DIS3L2: variants seen among roughly 807,000 people sequenced by gnomAD.
DIS3L2 encodes DIS3 like 3'-5' exoribonuclease 2, also known as DIS3-like exonuclease 2.
Under a neutral mutation model 97.5 loss-of-function variants are expected in DIS3L2, and 34 were observed. The observed-to-expected ratio is 0.35, with a 90% CI of 0.27 to 0.46. DIS3L2 has a LOEUF of 0.46. Ranked by LOEUF, DIS3L2 falls within the 20% of genes least tolerant of loss-of-function variation. The pLI, the probability that DIS3L2 is intolerant of heterozygous loss-of-function variation, is 1.00. For missense variants in DIS3L2, 1,038 were observed against 1,146.0 expected (o/e 0.91, Z 1.36); for synonymous variants, 435 against 445.2 (o/e 0.98, Z 0.29).
chr2:232,337,385 TG>T (rs1176956784), downstream of DIS3L2, among the ~76,000 whole-genome samples: 3 of 151,880 alleles, frequency 2.0e-5, no homozygotes, highest in African/African-American at 4.8e-5. Context: ...CTGGTGTGAG[TG>T]GGTGCCCCGG....
rs1559216843 is a variant in DIS3L2, at chr2:232,330,770, C to T, written c.2004C>T (p.Pro668=). The T allele has an allele frequency of 3.1e-6, 5 of 1,611,172 alleles. No homozygotes were observed. Among genetic ancestry groups the T allele is most frequent in the Middle Eastern group, 1.6e-4 (1 of 6,062 alleles). The change falls in exon 16 of 21, where the codon CCC becomes CCT. Residue 668 remains proline (P), a synonymous_variant. Transcript: ENST00000325385. Reference sequence around the variant, plus strand: ...TGCTCACCAACATGTGCTCCCGGCCCATGCAGGTAAGGAGGGCCCAGCCCC... The same window carrying T: ...TGCTCACCAACATGTGCTCCCGGCCTATGCAGGTAAGGAGGGCCCAGCCCC... ...KEVLTNMCSR[P]MQMALYFCSG...
chr2:232,226,056 G>T (rs1242844318), intron 10 of DIS3L2, among the ~76,000 whole-genome samples: 2 of 152,148 alleles, frequency 1.3e-5, no homozygotes, highest in Non-Finnish European at 2.9e-5. Flanking sequence ...AACAGATATG[G>T]GCTTTCTTTC....
At chr2:231,976,828 C>T (rs1449463765) in intron 1 of DIS3L2, among the ~76,000 whole-genome samples, 2 of 140,028 alleles carry the variant, frequency 1.4e-5, no homozygotes, top group East Asian at 2.1e-4. Context: ...AGTACAGTGG[C>T]GCGATCTTGG....
Position 232,336,694 on chromosome 2 carries a change from T to C in DIS3L2, c.*64T>C. Reference sequence around the variant, plus strand: ...GTCCCGCCACACTGGCTTTAGGACCTGTTGACACGGAGGGGGGTTTTTAAT... The same window carrying C: ...GTCCCGCCACACTGGCTTTAGGACCCGTTGACACGGAGGGGGGTTTTTAAT... On this transcript the variant is annotated 3_prime_UTR_variant, in exon 21 of 21. Transcript: ENST00000325385. 6.4e-7 allele frequency: 1 copy of C among 1,554,550 alleles called. No homozygotes were observed. The highest frequency in any genetic ancestry group is 2.0e-5 in the Admixed American group (1 of 48,814).
At chr2:232,197,808 A>C (rs1455721521) in intron 9 of DIS3L2, among the ~76,000 whole-genome samples, 1 of 151,986 alleles carries the variant, frequency 6.6e-6, no homozygotes, top group Non-Finnish European at 1.5e-5. Flanking sequence ...CTCTACAAAA[A>C]TATAAAAATT....
At chr2:232,340,544 A>C (rs1251780795), downstream of DIS3L2, among the ~76,000 whole-genome samples, 2 of 152,198 alleles carry the variant, frequency 1.3e-5, no homozygotes, top group African/African-American at 4.8e-5. Flanking sequence ...AGGCCTGTTC[A>C]GGGGGATGTG....
intron 5 of DIS3L2, among the ~76,000 whole-genome samples, chr2:232,068,707 C>T (rs1301446143): frequency 2.6e-5 from 4 of 151,982 alleles, no homozygotes; most frequent in South Asian, 2.1e-4. Flanking sequence ...CCTCAGGCTC[C>T]GGAATTATGG....
chr2:232,280,062 C>G (rs1170600814), intron 13 of DIS3L2, among the ~76,000 whole-genome samples: 2 of 152,182 alleles, frequency 1.3e-5, no homozygotes. Flanking sequence ...CTTTGACTAA[C>G]CCAAGGTCAG....
chr2:232,340,086 G>T (rs1167575706), downstream of DIS3L2, among the ~76,000 whole-genome samples: 4 of 152,194 alleles, frequency 2.6e-5, no homozygotes, highest in Non-Finnish European at 4.4e-5. Context: ...TAGGCGGAGA[G>T]TGCAGAGTAG....
intron 3 of DIS3L2, among the ~76,000 whole-genome samples, chr2:232,017,164 G>A (rs1263804227): frequency 6.6e-6 from 1 of 152,042 alleles, no homozygotes; most frequent in African/African-American, 2.4e-5. Flanking sequence ...TTGGCTCACT[G>A]CAGCCTCTGC....
chr2:232,291,074 A>G (rs1374888232), intron 13 of DIS3L2, among the ~76,000 whole-genome samples: 5 of 152,206 alleles, frequency 3.3e-5, no homozygotes, highest in African/African-American at 1.2e-4. Flanking sequence ...ATCCTGCTGA[A>G]TGAGCAAGTT....
intron 9 of DIS3L2, among the ~76,000 whole-genome samples, chr2:232,181,285 G>A (rs1433658199): frequency 6.6e-6 from 1 of 151,936 alleles, no homozygotes; most frequent in Non-Finnish European, 1.5e-5. Context: ...TGACAATTAT[G>A]TGTCTTGGAG....
chr2:231,991,339 C>G (rs999002767), intron 1 of DIS3L2, among the ~76,000 whole-genome samples: 2 of 152,164 alleles, frequency 1.3e-5, no homozygotes, highest in African/African-American at 2.4e-5. Flanking sequence ...ATGGCACTAT[C>G]ATAGCTTACT....
intron 10 of DIS3L2, among the ~76,000 whole-genome samples, chr2:232,230,190 A>G (rs78232391): frequency 3.9e-5 from 6 of 152,266 alleles, no homozygotes; most frequent in South Asian, 4.1e-4. Flanking sequence ...TAGCAACCCA[A>G]TCAGTGTTTC....
intron 5 of DIS3L2, among the ~76,000 whole-genome samples, chr2:232,058,642 A>C (rs915844195): frequency 1.3e-5 from 2 of 152,168 alleles, no homozygotes; most frequent in Non-Finnish European, 2.9e-5. Context: ...AAATTTTCCC[A>C]GACTCATACT....
chr2:232,162,051 G>A (rs558443755), intron 8 of DIS3L2, among the ~76,000 whole-genome samples: 5 of 152,330 alleles, frequency 3.3e-5, no homozygotes, highest in East Asian at 1.9e-4. Flanking sequence ...GATTACAGGC[G>A]TGAGCCACTG....
intron 6 of DIS3L2, among the ~76,000 whole-genome samples, chr2:232,115,534 C>G (rs1436933638): frequency 1.3e-5 from 2 of 152,150 alleles, no homozygotes; most frequent in Non-Finnish European, 2.9e-5. Flanking sequence ...GGCTGTTTGC[C>G]TGTGAATGAT....
intron 13 of DIS3L2, among the ~76,000 whole-genome samples, chr2:232,298,646 A>G (rs923305859): frequency 3.9e-4 from 60 of 152,210 alleles, no homozygotes; most frequent in Non-Finnish European, 3.4e-4. Flanking sequence ...CCAGTATCTA[A>G]TGATGCAGAT....
At chr2:232,252,023 TA>T (rs144545449) in intron 12 of DIS3L2, among the ~76,000 whole-genome samples, 11,341 of 152,242 alleles carry the variant, frequency 0.074, 834 homozygotes, top group African/African-American at 0.19. Flanking sequence ...AGGAATCACT[TA>T]GATCAGGGCT....
Sources: gnomAD v4.1 joint callset for allele counts (sites outside exome capture counted in the v4.1 genomes callset) on GRCh38, gnomAD v4.1.1 for gene constraint, MANE v1.5 for transcripts, NCBI Gene and HGNC (gene_info 2026-07-23, HGNC 2026-07-21) for gene names.